The following NKAIN3 variants were observed in gnomAD, a reference collection of about 807,000 sequenced individuals.
The protein encoded by NKAIN3 is sodium/potassium transporting ATPase interacting 3, also known as sodium/potassium-transporting ATPase subunit beta-1-interacting protein 3.
A neutral mutation model predicts 30.2 loss-of-function variants in NKAIN3; 25 were observed. That is an observed-to-expected ratio of 0.83 (90% CI 0.60 to 1.16). The LOEUF is 1.16. Among genes scored for constraint, NKAIN3 ranks in the 50% most tolerant of loss-of-function variants. The probability of loss-of-function intolerance (pLI) is 0.00; values close to 1 mark genes in which losing one functional copy is unlikely to be tolerated. For synonymous variants in NKAIN3, 91 were observed against 89.6 expected, an observed-to-expected ratio of 1.02 and a Z score of -0.09; for missense variants, 225 against 254.1, an observed-to-expected ratio of 0.89 and a Z score of 0.78.
At chr8:62,906,321 G>A (rs920121460) in intron 4 of NKAIN3, among the ~76,000 whole-genome samples, 1 of 150,914 alleles carries the variant, frequency 6.6e-6, no homozygotes, top group South Asian at 2.1e-4. Flanking sequence ...ACTGAAATAC[G>A]TTACATATAG....
chr8:62,419,524 G>T (rs893802941), intron 1 of NKAIN3, among the ~76,000 whole-genome samples: 2 of 152,202 alleles, frequency 1.3e-5, no homozygotes, highest in Non-Finnish European at 2.9e-5. Context: ...GTATTCTCAA[G>T]TAATGCTGTC....
At chr8:62,308,480 TG>T (rs1039360302) in intron 1 of NKAIN3, among the ~76,000 whole-genome samples, 2 of 150,632 alleles carry the variant, frequency 1.3e-5, no homozygotes, top group African/African-American at 5.0e-5. Context: ...GTGAAGGCCA[TG>T]ATCAAGAGCT....
chr8:62,911,852 G>A (rs1457255489), intron 4 of NKAIN3, among the ~76,000 whole-genome samples: 1 of 152,166 alleles, frequency 6.6e-6, no homozygotes. Flanking sequence ...AGCATGGGAA[G>A]TTGCAGCTTC....
intron 3 of NKAIN3, among the ~76,000 whole-genome samples, chr8:62,665,636 G>T (rs1412323423): frequency 6.6e-6 from 1 of 152,108 alleles, no homozygotes; most frequent in Non-Finnish European, 1.5e-5. Context: ...AGTTTAAAGG[G>T]GTGTATTTAT....
At chr8:62,825,372 T>C (rs1298579849) in intron 4 of NKAIN3, among the ~76,000 whole-genome samples, 1 of 152,210 alleles carries the variant, frequency 6.6e-6, no homozygotes, top group Non-Finnish European at 1.5e-5. Context: ...ATTGTGTATG[T>C]CCAATTGAGC....
chr8:62,466,223 G>A (rs978772459), intron 1 of NKAIN3, among the ~76,000 whole-genome samples: 6 of 152,100 alleles, frequency 3.9e-5, no homozygotes, highest in African/African-American at 1.2e-4. Context: ...ATTTGAAAAA[G>A]CAAGTCAATT....
chr8:62,949,628 A>G (rs1356775608), intron 5 of NKAIN3, among the ~76,000 whole-genome samples: 2 of 152,162 alleles, frequency 1.3e-5, no homozygotes, highest in South Asian at 2.1e-4. Context: ...GGGATCTTTG[A>G]TGGTAACACC....
chr8:62,644,617 G>A (rs1203044464), intron 3 of NKAIN3, among the ~76,000 whole-genome samples: 1 of 152,038 alleles, frequency 6.6e-6, no homozygotes, highest in Non-Finnish European at 1.5e-5. Flanking sequence ...TGAAGTCTGT[G>A]GAAAGGACAA....
rs188308399 is a variant in NKAIN3, at chr8:62,757,526, A to G, written c.471+10397A>G. 4.2e-4 allele frequency among the ~76,000 whole-genome samples: 64 copies of G among 152,254 alleles called. No individual in the cohort carries two copies. The East Asian group carries it at 0.012, about 28-fold the overall frequency. On this transcript the variant is annotated intron_variant, in intron 4 of 6. Coordinates refer to ENST00000623646, the MANE Select transcript of NKAIN3 (RefSeq NM_001304533.3). ...CGTGGTCCTTCCTGCTGTACCTTCCAGCCGGCCGTCAAAGTGCCATAACTT... is the reference window on the plus strand; with the variant it reads ...CGTGGTCCTTCCTGCTGTACCTTCCGGCCGGCCGTCAAAGTGCCATAACTT...
At chr8:62,740,238 G>A (rs1452947992) in intron 3 of NKAIN3, among the ~76,000 whole-genome samples, 1 of 152,062 alleles carries the variant, frequency 6.6e-6, no homozygotes, top group Admixed American at 6.6e-5. Context: ...TTCAGAAGAA[G>A]TTCAATTGGC....
intron 1 of NKAIN3, among the ~76,000 whole-genome samples, chr8:62,385,574 T>C (rs1297184706): frequency 6.6e-6 from 1 of 152,206 alleles, no homozygotes; most frequent in African/African-American, 2.4e-5. Flanking sequence ...TCATTTTGGT[T>C]ACAGTTCTAT....
At chr8:62,693,614 C>G (rs1814052131) in intron 3 of NKAIN3, among the ~76,000 whole-genome samples, 1 of 152,164 alleles carries the variant, frequency 6.6e-6, no homozygotes, top group Non-Finnish European at 1.5e-5. Context: ...AAGCAGCTTT[C>G]TAAAAACAAA....
At chr8:62,883,005 C>A (rs1821032302) in intron 4 of NKAIN3, among the ~76,000 whole-genome samples, 1 of 152,122 alleles carries the variant, frequency 6.6e-6, no homozygotes, top group South Asian at 2.1e-4. Flanking sequence ...TAACAGTCTG[C>A]CAACTTTTTT....
chr8:62,806,082 T>G (rs568151717), intron 4 of NKAIN3, among the ~76,000 whole-genome samples: 2 of 152,188 alleles, frequency 1.3e-5, no homozygotes, highest in South Asian at 4.1e-4. Context: ...ATCAGAGAAA[T>G]GCAAATCAAA....
chr8:62,416,921 G>C (rs1804463920), intron 1 of NKAIN3, among the ~76,000 whole-genome samples: 1 of 151,826 alleles, frequency 6.6e-6, no homozygotes, highest in Non-Finnish European at 1.5e-5. Context: ...GAACCTGGGA[G>C]GCGGAGGCTG....
chr8:62,339,520 T>A (rs1815672224), intron 1 of NKAIN3, among the ~76,000 whole-genome samples: 1 of 152,046 alleles, frequency 6.6e-6, no homozygotes, highest in Non-Finnish European at 1.5e-5. Flanking sequence ...AATTTTTGGT[T>A]CTTGTAAGTT....
At chr8:62,313,311 A>T (rs1389430247) in intron 1 of NKAIN3, among the ~76,000 whole-genome samples, 1 of 152,134 alleles carries the variant, frequency 6.6e-6, no homozygotes, top group Non-Finnish European at 1.5e-5. Context: ...GAATGAAGTG[A>T]GGTTATTGCT....
chr8:62,889,681 T>C (rs1433397040), intron 4 of NKAIN3, among the ~76,000 whole-genome samples: 1 of 152,176 alleles, frequency 6.6e-6, no homozygotes, highest in Non-Finnish European at 1.5e-5. Flanking sequence ...TAATGTTTCA[T>C]TTAGAAATGC....
At chr8:62,918,989 CAA>C (rs553688723) in intron 5 of NKAIN3, among the ~76,000 whole-genome samples, 4 of 129,514 alleles carry the variant, frequency 3.1e-5, no homozygotes, top group African/African-American at 5.6e-5. Context: ...AGATGAGATG[CAA>C]AAAAAAAAAA....
Sources: gnomAD v4.1 joint callset for allele counts (sites outside exome capture counted in the v4.1 genomes callset) on GRCh38, gnomAD v4.1.1 for gene constraint, MANE v1.5 for transcripts, NCBI Gene and HGNC (gene_info 2026-07-23, HGNC 2026-07-21) for gene names.